Variants in PCOLCE2 observed in about 807,000 individuals in gnomAD.
PCOLCE2 encodes the protein procollagen C-proteinase enhancer 2.
A neutral mutation model predicts 47.0 loss-of-function variants in PCOLCE2; 42 were observed. The ratio of observed to expected loss-of-function variants is 0.89; its 90% CI spans 0.70 to 1.16. PCOLCE2 has a LOEUF of 1.16. PCOLCE2 is among the 50% of genes most tolerant of loss of function. The pLI is 0.00. For missense variants in PCOLCE2, 500 were observed against 526.1 expected (o/e 0.95, Z 0.49); for synonymous variants, 169 against 191.7 (o/e 0.88, Z 0.98).
chr3:142,847,416 T>C (rs893449804), intron 3 of PCOLCE2, among the ~76,000 whole-genome samples: 3 of 152,240 alleles, frequency 2.0e-5, no homozygotes, highest in African/African-American at 7.2e-5. Flanking sequence ...AAGCAGATTA[T>C]GGACTGCTCT....
At chr3:142,832,240 G>A (rs891320745) in intron 5 of PCOLCE2, among the ~76,000 whole-genome samples, 1 of 151,938 alleles carries the variant, frequency 6.6e-6, no homozygotes, top group Admixed American at 6.6e-5. Flanking sequence ...ACTTTACCTG[G>A]ACCATTGCAA....
intron 2 of PCOLCE2, among the ~76,000 whole-genome samples, chr3:142,851,386 T>C (rs1932936929): frequency 1.3e-5 from 2 of 152,108 alleles, no homozygotes; most frequent in African/African-American, 2.4e-5. Context: ...GAGTTGGATA[T>C]AAGCAGTAGG....
intron 6 of PCOLCE2, among the ~76,000 whole-genome samples, chr3:142,828,542 G>T (rs942888082): frequency 6.6e-6 from 1 of 152,144 alleles, no homozygotes; most frequent in Non-Finnish European, 1.5e-5. Context: ...AAAAGATAGA[G>T]GATATCAAAG....
intron 2 of PCOLCE2, among the ~76,000 whole-genome samples, chr3:142,875,165 T>G: frequency 6.6e-6 from 1 of 152,204 alleles, no homozygotes; most frequent in Non-Finnish European, 1.5e-5. Context: ...GCCTGGCTCC[T>G]AATGATCCCC....
chr3:142,877,374 T>A (rs1354609232), intron 2 of PCOLCE2, among the ~76,000 whole-genome samples: 1 of 152,220 alleles, frequency 6.6e-6, no homozygotes, highest in Non-Finnish European at 1.5e-5. Context: ...GAACTCCCCA[T>A]GCTCCAAATG....
At chr3:142,844,854 T>C (rs534572819) in intron 3 of PCOLCE2, among the ~76,000 whole-genome samples, 1 of 152,344 alleles carries the variant, frequency 6.6e-6, no homozygotes, top group East Asian at 1.9e-4. Flanking sequence ...TTTGTATTTG[T>C]AACCATGTCT....
chr3:142,886,480 T>C (rs1368578425), intron 2 of PCOLCE2, among the ~76,000 whole-genome samples: 1 of 152,232 alleles, frequency 6.6e-6, no homozygotes, highest in African/African-American at 2.4e-5. Context: ...TATGACTTCT[T>C]TCCTGGCCAC....
chr3:142,840,195 C>T (rs11716156), intron 4 of PCOLCE2, among the ~76,000 whole-genome samples: 26,520 of 152,170 alleles, frequency 0.17, 2,664 homozygotes, highest in Non-Finnish European at 0.23. Flanking sequence ...AGAGGTTGCA[C>T]AGAAGCACTG....
At chr3:142,881,659 T>C (rs1361185097) in intron 2 of PCOLCE2, among the ~76,000 whole-genome samples, 1 of 152,146 alleles carries the variant, frequency 6.6e-6, no homozygotes. Flanking sequence ...AAAACAATGG[T>C]AAATATTTGT....
intron 8 of PCOLCE2, among the ~76,000 whole-genome samples, chr3:142,819,803 A>T (rs777806350): frequency 4.7e-4 from 72 of 151,906 alleles, no homozygotes; most frequent in Admixed American, 3.1e-3. Flanking sequence ...GCACCACCAC[A>T]CCCGGCTAAA....
At chr3:142,821,421 G>A (rs1390958281) in intron 7 of PCOLCE2, among the ~76,000 whole-genome samples, 2 of 152,190 alleles carry the variant, frequency 1.3e-5, no homozygotes, top group Non-Finnish European at 2.9e-5. Flanking sequence ...TTTAGAGGCA[G>A]TACCACGCTA....
chr3:142,846,144 T>A (rs1045942165), intron 3 of PCOLCE2, among the ~76,000 whole-genome samples: 2 of 152,302 alleles, frequency 1.3e-5, no homozygotes, highest in Admixed American at 6.5e-5. Context: ...ATGGGGGTGC[T>A]TCATTTTTAT....
At chr3:142,882,265 T>C (rs1020131310) in intron 2 of PCOLCE2, among the ~76,000 whole-genome samples, 5 of 152,146 alleles carry the variant, frequency 3.3e-5, no homozygotes, top group African/African-American at 1.2e-4. Flanking sequence ...AACTCTGATC[T>C]TGAACACCTT....
chr3:142,856,043 T>G (rs1933052705), intron 2 of PCOLCE2, among the ~76,000 whole-genome samples: 1 of 152,184 alleles, frequency 6.6e-6, no homozygotes, highest in Admixed American at 6.5e-5. Flanking sequence ...GACACCTTTG[T>G]TGTTTGGGGT....
At chr3:142,865,196 T>A (rs575128618) in intron 2 of PCOLCE2, among the ~76,000 whole-genome samples, 2 of 152,028 alleles carry the variant, frequency 1.3e-5, no homozygotes, top group Non-Finnish European at 1.5e-5. Context: ...GGGTATGAAG[T>A]AGTAGCTTAT....
chr3:142,850,168 CTTTGTTT>C (rs1168849590), intron 2 of PCOLCE2, among the ~76,000 whole-genome samples: 3 of 151,122 alleles, frequency 2.0e-5, no homozygotes, highest in African/African-American at 4.9e-5. Context: ...CTGTCTTTTG[CTTTGTTT>C]TTTGTTTTGC....
chr3:142,827,753 C>T (rs1404717095), intron 6 of PCOLCE2: 6 of 720,132 alleles, frequency 8.3e-6, no homozygotes, highest in African/African-American at 3.5e-5. Flanking sequence ...TTAAATCTGG[C>T]TTAAATCTTT....
chr3:142,853,576 CA>C (rs1234256754), intron 2 of PCOLCE2, among the ~76,000 whole-genome samples: 1 of 152,218 alleles, frequency 6.6e-6, no homozygotes, highest in African/African-American at 2.4e-5. Context: ...CCTCCTTGCA[CA>C]AATCACAGAC....
intron 7 of PCOLCE2, among the ~76,000 whole-genome samples, chr3:142,821,567 G>A (rs1272754116): frequency 1.3e-5 from 2 of 151,914 alleles, no homozygotes; most frequent in East Asian, 3.9e-4. Flanking sequence ...TTCATTCCCT[G>A]GGTCCTCACC....
Sources: gnomAD v4.1 joint callset for allele counts (sites outside exome capture counted in the v4.1 genomes callset) on GRCh38, gnomAD v4.1.1 for gene constraint, MANE v1.5 for transcripts, NCBI Gene and HGNC (gene_info 2026-07-23, HGNC 2026-07-21) for gene names.